BACC1: variants seen among roughly 807,000 people sequenced by gnomAD.
BACC1 encodes the protein BPTF-associated chromatin complex component 1.
At chr17:7,014,814 T>A in the BACC1 span, 1 of 1,526,014 alleles carries the variant, frequency 6.6e-7, no homozygotes, top group African/African-American at 1.4e-5. This position sits in a 1 kb window ranked among gnomAD's most constrained non-coding sequence, Gnocchi z 4.5. Context: ...CCGGCTCGCG[T>A]GTAGCGGCGG....
chr17:7,016,434 T>C, the BACC1 span: 1 of 1,560,358 alleles, frequency 6.4e-7, no homozygotes, highest in Non-Finnish European at 8.7e-7. Context: ...TCCCCTCCCG[T>C]CCCCTCTTCT....
At chr17:7,015,977 C>T in the BACC1 span, 18 of 917,142 alleles carry the variant, frequency 2.0e-5, no homozygotes, top group Non-Finnish European at 1.9e-5. Flanking sequence ...CAGCTGCTTC[C>T]CTACTTTGTC....
At chr17:7,014,894 C>T in the BACC1 span, 35 of 1,522,096 alleles carry the variant, frequency 2.3e-5, no homozygotes, top group Non-Finnish European at 3.0e-5. This position sits in a 1 kb window ranked among gnomAD's most constrained non-coding sequence, Gnocchi z 4.5. Flanking sequence ...ACCTCCCTCG[C>T]GGACAGCGCT....
chr17:7,015,595 G>A, the BACC1 span: 1 of 1,384,992 alleles, frequency 7.2e-7, no homozygotes, highest in Non-Finnish European at 9.5e-7. Context: ...GGTCCTCCCG[G>A]TTCCCGCAGG....
chr17:7,015,736 C>T, the BACC1 span: 6 of 1,581,070 alleles, frequency 3.8e-6, no homozygotes, highest in Non-Finnish European at 5.2e-6. Context: ...CACACCCCCC[C>T]TCCCATTTTT....
the BACC1 span, chr17:7,016,381 G>A: frequency 5.7e-6 from 7 of 1,218,958 alleles, no homozygotes; most frequent in Admixed American, 1.4e-4. Flanking sequence ...CAATGGGTTG[G>A]GGCCCCGACC....
At chr17:7,017,024 C>T in the BACC1 span, 1 of 1,598,034 alleles carries the variant, frequency 6.3e-7, no homozygotes, top group Non-Finnish European at 8.6e-7. Context: ...GGTAGGAGTC[C>T]TCCTCCTCCC....
the BACC1 span, chr17:7,015,801 G>A: frequency 7.4e-6 from 12 of 1,614,136 alleles, no homozygotes; most frequent in Non-Finnish European, 9.3e-6. Flanking sequence ...CGGAAATAGA[G>A]ATGCTGAGGG....
the BACC1 span, chr17:7,017,175 G>A: frequency 6.3e-7 from 1 of 1,587,336 alleles, no homozygotes; most frequent in Non-Finnish European, 8.7e-7. Context: ...GTACGTAGCA[G>A]GGTGTTTCAG....
chr17:7,016,401 A>C, the BACC1 span: 5 of 1,411,954 alleles, frequency 3.5e-6, no homozygotes, highest in Non-Finnish European at 3.9e-6. Context: ...CTGGATTCTT[A>C]TGAAGGGACT....
the BACC1 span, chr17:7,015,686 G>A: frequency 6.6e-5 from 93 of 1,399,772 alleles, no homozygotes; most frequent in African/African-American, 1.2e-3. Flanking sequence ...GGAAGGAGGC[G>A]GCTGGTTGGC....
chr17:7,017,439 C>G, the BACC1 span: 1 of 935,262 alleles, frequency 1.1e-6, no homozygotes, highest in Non-Finnish European at 1.8e-6. Flanking sequence ...TCGCTATTCC[C>G]GCATAAGCAT....
At chr17:7,016,765 A>C in the BACC1 span, 1 of 1,539,448 alleles carries the variant, frequency 6.5e-7, no homozygotes, top group Non-Finnish European at 8.8e-7. Context: ...GGGTCAAAGA[A>C]GGGTCAGTCT....
chr17:7,014,927 G>A, the BACC1 span: 6 of 1,498,568 alleles, frequency 4.0e-6, no homozygotes, highest in East Asian at 2.9e-5. This position sits in a 1 kb window ranked among gnomAD's most constrained non-coding sequence, Gnocchi z 4.5. Flanking sequence ...CGGGAGGGCG[G>A]GCCCCCCACT....
chr17:7,016,021 G>T, the BACC1 span: 2 of 645,918 alleles, frequency 3.1e-6, no homozygotes, highest in African/African-American at 3.7e-5. Flanking sequence ...AGGACTGAAA[G>T]AATAGAATTG....
At chr17:7,015,252 T>C in the BACC1 span, 1 of 1,440,548 alleles carries the variant, frequency 6.9e-7, no homozygotes, top group South Asian at 1.4e-5. Flanking sequence ...AGACATTAGT[T>C]TCCCTTTGTG....
chr17:7,015,132 C>G, the BACC1 span: 1 of 1,586,794 alleles, frequency 6.3e-7, no homozygotes, highest in South Asian at 1.1e-5. Flanking sequence ...CAGCTGCATC[C>G]CGTGGCCGAC....
chr17:7,016,893 T>C, the BACC1 span: 1 of 1,606,886 alleles, frequency 6.2e-7, no homozygotes. Context: ...AGAACCTAGC[T>C]TATGCCCCCT....
At chr17:7,015,956 C>G in the BACC1 span, 1 of 1,166,816 alleles carries the variant, frequency 8.6e-7, no homozygotes, top group Non-Finnish European at 1.3e-6. Context: ...CCTCAGAACT[C>G]CTTTCCAGCT....
Sources: allele counts gnomAD v4.1 joint callset, GRCh38; gene constraint gnomAD v4.1.1; non-coding constraint Gnocchi (gnomAD v3.1); transcripts MANE v1.5; gene names NCBI Gene and HGNC (gene_info 2026-07-23, HGNC 2026-07-21).